The following AFF3 variants were observed in gnomAD, a reference collection of about 807,000 sequenced individuals.
AFF3 encodes the protein AF4/FMR2 family member 3.
A neutral mutation model predicts 129.7 loss-of-function variants in AFF3; 32 were observed. That is an observed-to-expected ratio of 0.25 (90% CI 0.19 to 0.33). The LOEUF is 0.33. Ranked by LOEUF, AFF3 falls within the 10% of genes least tolerant of loss-of-function variation. The pLI, the probability that AFF3 is intolerant of heterozygous loss-of-function variation, is 1.00. For synonymous variants in AFF3, 644 were observed against 635.4 expected (o/e 1.01, Z -0.20); for missense variants, 1,373 against 1,592.0 (o/e 0.86, Z 2.34).
intron 11 of AFF3, among the ~76,000 whole-genome samples, chr2:99,688,384 A>G (rs1675279981): frequency 6.6e-6 from 1 of 152,230 alleles, no homozygotes; most frequent in Non-Finnish European, 1.5e-5. Flanking sequence ...AGACATTTTC[A>G]GTCCCAACAA....
intron 7 of AFF3, among the ~76,000 whole-genome samples, chr2:99,962,885 A>ATAT: frequency 6.7e-6 from 1 of 148,494 alleles, no homozygotes; most frequent in East Asian, 1.9e-4. Flanking sequence ...AATAATAATA[A>ATAT]TAATAATGGC....
chr2:99,717,723 T>G (rs1172149420), intron 11 of AFF3, among the ~76,000 whole-genome samples: 1 of 152,264 alleles, frequency 6.6e-6, no homozygotes, highest in Non-Finnish European at 1.5e-5. Context: ...TCCAATCCAT[T>G]AGAACTTTCT....
In AFF3 at chr2:100,052,928, T is replaced by C. The variant is rs915394893; in HGVS notation, c.54-43996A>G. 2.6e-5 allele frequency among the ~76,000 whole-genome samples: 4 copies of C among 152,254 alleles called. No homozygotes were observed. In the East Asian group the frequency reaches 5.8e-4, roughly 22 times the overall value. On this transcript the variant is annotated intron_variant, in intron 4 of 24. Transcript: ENST00000672756. ...TTTTGTTTAACACACTTGTAATAAT[T>C]AGAAAGTGAAGCAACTAATTCCTGA... is the stretch of plus-strand genomic sequence containing the variant.
At chr2:99,732,965 C>T (rs536025656) in intron 10 of AFF3, among the ~76,000 whole-genome samples, 1 of 152,260 alleles carries the variant, frequency 6.6e-6, no homozygotes, top group East Asian at 1.9e-4. Context: ...ACTTGCTCTT[C>T]TGTGTCATTT....
At chr2:99,683,872 C>T (rs957916196) in intron 11 of AFF3, among the ~76,000 whole-genome samples, 1 of 152,190 alleles carries the variant, frequency 6.6e-6, no homozygotes, top group Non-Finnish European at 1.5e-5. Flanking sequence ...AGAAAGCCAG[C>T]GAGGTGATAA....
At position 100,126,338 on chromosome 2, in the gene AFF3, G is replaced by A. The variant is rs147956610; in HGVS notation, c.-145+2886C>T. On this transcript the variant is annotated intron_variant, in intron 2 of 24. Coordinates refer to ENST00000672756, the MANE Select transcript of AFF3 (RefSeq NM_001386135.1). ...GTTTACTGGGCTCTCAGGAGCATGA[G>A]GCCGGGCCAGCTGCCAAGGATAATT... Among the ~76,000 whole-genome samples the A allele has an allele frequency of 1.3e-3, 202 of 152,330 alleles. 1 individual carries two copies. Among genetic ancestry groups the A allele is most frequent in the Non-Finnish European group, 3.2e-4 (22 of 68,044 alleles).
intron 2 of AFF3, among the ~76,000 whole-genome samples, chr2:100,125,154 T>C (rs1479761689): frequency 1.3e-5 from 2 of 152,116 alleles, no homozygotes; most frequent in Non-Finnish European, 2.9e-5. Context: ...TTGTTGAAAG[T>C]TGATAAAATG....
At chr2:99,882,313 T>C (rs1558943032) in intron 7 of AFF3, among the ~76,000 whole-genome samples, 1 of 152,194 alleles carries the variant, frequency 6.6e-6, no homozygotes, top group Non-Finnish European at 1.5e-5. Flanking sequence ...CCGAATAAAT[T>C]ATCGTTAACC....
intron 4 of AFF3, among the ~76,000 whole-genome samples, chr2:100,081,779 C>T (rs939110006): frequency 6.6e-6 from 1 of 152,192 alleles, no homozygotes; most frequent in Non-Finnish European, 1.5e-5. Flanking sequence ...TCATTTAATT[C>T]TCACACAACC....
rs1194675256 is a variant in AFF3 at position 99,587,294 on chromosome 2, C to T, written c.2467-16G>A. The T allele has an allele frequency of 1.9e-6, 3 of 1,613,812 alleles. No homozygotes were observed. Among genetic ancestry groups the T allele is most frequent in the Admixed American group, 1.7e-5 (1 of 60,010 alleles). ...CGTTGTCACACTGTATGGGAATAAA[C>T]TAAAGTCAATCAGCACTGGATTTCA... On this transcript the variant is annotated splice_polypyrimidine_tract_variant and intron_variant, in intron 15 of 24. Transcript: ENST00000672756.
At chr2:100,076,539 T>C (rs1688602440) in intron 4 of AFF3, among the ~76,000 whole-genome samples, 1 of 152,166 alleles carries the variant, frequency 6.6e-6, no homozygotes, top group African/African-American at 2.4e-5. Flanking sequence ...CACCTATGGC[T>C]CCAGCCCCGG....
At chr2:100,019,268 T>C (rs1045579365) in intron 4 of AFF3, among the ~76,000 whole-genome samples, 1 of 152,194 alleles carries the variant, frequency 6.6e-6, no homozygotes, top group East Asian at 1.9e-4. Context: ...AGATAGGCTG[T>C]GGTTGAAATG....
intron 8 of AFF3, among the ~76,000 whole-genome samples, chr2:99,775,376 T>C (rs1683815753): frequency 6.6e-6 from 1 of 152,214 alleles, no homozygotes; most frequent in Non-Finnish European, 1.5e-5. Flanking sequence ...TATGCAGCCA[T>C]ACAAAAGAAT....
chr2:99,989,437 T>C (rs1680149634), intron 7 of AFF3, among the ~76,000 whole-genome samples: 2 of 152,258 alleles, frequency 1.3e-5, no homozygotes, highest in South Asian at 4.1e-4. Flanking sequence ...ACTGCAGTCC[T>C]AGATCTGTGT....
At chr2:99,595,804 C>T (rs762588901) in intron 14 of AFF3, among the ~76,000 whole-genome samples, 7 of 152,156 alleles carry the variant, frequency 4.6e-5, no homozygotes, top group Non-Finnish European at 8.8e-5. Flanking sequence ...TGGGCCAGAA[C>T]GGGTTGGGGC....
intron 7 of AFF3, among the ~76,000 whole-genome samples, chr2:99,896,507 T>C (rs1009430548): frequency 6.6e-5 from 10 of 151,334 alleles, no homozygotes; most frequent in Admixed American, 2.6e-4. Flanking sequence ...GCATGAACTG[T>C]CACCCAAGAA....
At chr2:99,579,871 G>C (rs1677360809) in intron 17 of AFF3, among the ~76,000 whole-genome samples, 1 of 152,194 alleles carries the variant, frequency 6.6e-6, no homozygotes, top group Non-Finnish European at 1.5e-5. Context: ...CAATGTCAGT[G>C]GTTAGGAAAT....
chr2:99,938,483 T>C (rs7577040), intron 7 of AFF3, among the ~76,000 whole-genome samples: 38,026 of 152,086 alleles, frequency 0.25, 7,533 homozygotes, highest in African/African-American at 0.55. Context: ...TAGCTTTATA[T>C]GTCAACCTAG....
chr2:99,895,625 C>T (rs6722432), intron 7 of AFF3, among the ~76,000 whole-genome samples: 7,371 of 152,144 alleles, frequency 0.048, 629 homozygotes, highest in African/African-American at 0.17. Context: ...CCGTGCCAGC[C>T]ACAGTGAGCG....
Sources: gnomAD v4.1 joint callset for allele counts (sites outside exome capture counted in the v4.1 genomes callset) on GRCh38, gnomAD v4.1.1 for gene constraint, MANE v1.5 for transcripts, NCBI Gene and HGNC (gene_info 2026-07-23, HGNC 2026-07-21) for gene names.